Variants in HK2 observed in about 807,000 individuals in gnomAD.
The protein encoded by HK2 is hexokinase-2.
HK2 carries 42 observed loss-of-function variants against 92.9 expected under a neutral mutation model. The ratio of observed to expected loss-of-function variants is 0.45; its 90% CI spans 0.35 to 0.58. HK2 has a LOEUF of 0.58. Ranked by LOEUF, HK2 falls within the 20% of genes least tolerant of loss-of-function variation. The pLI is 0.00. For missense variants in HK2, 978 were observed against 1,245.1 expected, an observed-to-expected ratio of 0.79 and a Z score of 3.23; for synonymous variants, 422 against 468.0, an observed-to-expected ratio of 0.90 and a Z score of 1.27.
chr2:74,882,350 G>T, intron 12 of HK2, 111 bp downstream of exon 12: 1 of 1,532,138 alleles, frequency 6.5e-7, no homozygotes, highest in East Asian at 2.3e-5. Flanking sequence ...AAAGGAGGGC[G>T]TGAGTTACCA....
At chr2:74,840,556 G>A (rs564570699) in intron 1 of HK2, among the ~76,000 whole-genome samples, 4 of 152,044 alleles carry the variant, frequency 2.6e-5, no homozygotes, top group African/African-American at 9.6e-5. Flanking sequence ...TACGTAGTCT[G>A]TCTTTGCCTT....
At chr2:74,842,843 A>G (rs1458973793) in intron 1 of HK2, among the ~76,000 whole-genome samples, 3 of 152,236 alleles carry the variant, frequency 2.0e-5, no homozygotes, top group Non-Finnish European at 4.4e-5. Flanking sequence ...AGGTTGAAGC[A>G]TCCTTGCGAT....
rs575458989 is a variant in HK2, at chr2:74,891,782, C to T, written c.*841C>T. ...GAGTAGATCTGCTTCTTCATCTTGACATGTAATGAATGGTCAGTTGTACGT... is the reference window on the plus strand; with the variant it reads ...GAGTAGATCTGCTTCTTCATCTTGATATGTAATGAATGGTCAGTTGTACGT... On this transcript the variant is annotated 3_prime_UTR_variant, in exon 18 of 18. Coordinates refer to ENST00000290573, the MANE Select transcript of HK2 (RefSeq NM_000189.5). The T allele has an allele frequency of 1.2e-5, 1 of 86,386 alleles. No individual in the cohort carries two copies. Among genetic ancestry groups the T allele is most frequent in the East Asian group, 3.1e-4 (1 of 3,254 alleles). 5.4% of individuals were successfully genotyped at this position (86,386 alleles called of 1,614,324 possible).
In HK2 at chr2:74,856,179, C is replaced by T. The variant is rs1302882031; in HGVS notation, c.226+1724C>T. 3.3e-5 allele frequency among the ~76,000 whole-genome samples: 5 copies of T among 152,162 alleles called. No homozygotes were observed. In the South Asian group the frequency reaches 1.0e-3, roughly 32 times the overall value. ...AGGGGAGTAGGGGCAGGGCGTGGGT[C>T]AGGGCTTGTTAATGCCACGCGCCTG... is the stretch of plus-strand genomic sequence containing the variant. On this transcript the variant is annotated intron_variant, in intron 2 of 17. Coordinates refer to ENST00000290573, the MANE Select transcript of HK2 (RefSeq NM_000189.5).
chr2:74,878,245 C>T (rs768985579), intron 8 of HK2, among the ~76,000 whole-genome samples: 1 of 152,180 alleles, frequency 6.6e-6, no homozygotes, highest in Non-Finnish European at 1.5e-5. Context: ...GCAGGGTTCA[C>T]ATGTTGAGAG....
chr2:74,886,816 T>A, intron 15 of HK2, 143 bp downstream of exon 15: 4 of 874,992 alleles, frequency 4.6e-6, no homozygotes, highest in Non-Finnish European at 7.4e-6. Flanking sequence ...GGGTTTCTTG[T>A]CGAATGCACC....
Position 74,886,682 on chromosome 2 carries a change from C to T in HK2, c.2219+9C>T. 3.7e-6 allele frequency: 6 copies of T among 1,613,562 alleles called. No individual in the cohort carries two copies. The highest frequency in any genetic ancestry group is 5.1e-6 in the Non-Finnish European group (6 of 1,179,806). ...AACCCCGGCAAGCAGAGGTAGGCACCCAACTGGGGCCCTGTTAAGTGTATC... is the reference window on the plus strand; with the variant it reads ...AACCCCGGCAAGCAGAGGTAGGCACTCAACTGGGGCCCTGTTAAGTGTATC... On this transcript the variant is annotated intron_variant, in intron 15 of 17. Transcript: ENST00000290573.
At chr2:74,880,627 C>A (rs2103988568) in intron 10 of HK2, 58 bp downstream of exon 10, 1 of 1,534,280 alleles carries the variant, frequency 6.5e-7, no homozygotes, top group Non-Finnish European at 9.0e-7. Flanking sequence ...GGTGTTGATA[C>A]CCTGGGAGGG....
intron 1 of HK2, among the ~76,000 whole-genome samples, chr2:74,840,457 C>T (rs960674761): frequency 6.6e-6 from 1 of 151,962 alleles, no homozygotes; most frequent in Non-Finnish European, 1.5e-5. Context: ...CAGATACTTC[C>T]GGTTTAAAAG....
intron 12 of HK2, among the ~76,000 whole-genome samples, chr2:74,884,064 A>T (rs1689465457): frequency 6.6e-6 from 1 of 152,220 alleles, no homozygotes; most frequent in Non-Finnish European, 1.5e-5. Context: ...TTCCTACCAA[A>T]ATATTTTCAA....
intron 3 of HK2, 131 bp downstream of exon 3, chr2:74,867,915 C>G (rs1311700870): frequency 4.9e-6 from 5 of 1,011,374 alleles, no homozygotes; most frequent in Admixed American, 1.7e-5. Context: ...GCCAGCACAG[C>G]TGTAAGGGCT....
At chr2:74,865,929 C>T (rs972396196) in intron 2 of HK2, among the ~76,000 whole-genome samples, 8 of 152,122 alleles carry the variant, frequency 5.3e-5, no homozygotes, top group Non-Finnish European at 1.2e-4. Flanking sequence ...TTTCCCCTCA[C>T]AGCAACCCAA....
Position 74,878,998 on chromosome 2 carries a change from A to G in HK2, c.1265+77A>G, listed in dbSNP as rs112441716. The G allele has an allele frequency of 1.3e-5, 17 of 1,259,498 alleles. 1 individual carries two copies. The highest frequency in any genetic ancestry group is 1.0e-4 in the African/African-American group (7 of 67,332). The allele number at this position is 1,259,498 out of a possible 1,614,324, so 78.0% of individuals were successfully genotyped here. A position where few individuals can be genotyped will look rare whatever the true frequency, so the allele number is the denominator to read the frequency against. ...CTGAGTGACTCCTCATGCCAGCTCC[A>G]TTTTGCATTTCAGGGGTGGTGTGGA... is the stretch of plus-strand genomic sequence containing the variant. On this transcript the variant is annotated intron_variant, in intron 9 of 17. Coordinates refer to ENST00000290573, the MANE Select transcript of HK2 (RefSeq NM_000189.5).
chr2:74,861,316 G>A (rs140574879), intron 2 of HK2, among the ~76,000 whole-genome samples: 3 of 152,118 alleles, frequency 2.0e-5, no homozygotes, highest in Non-Finnish European at 4.4e-5. Context: ...AGCTACTGGG[G>A]GGCTGAGACA....
rs79897773 is a variant in HK2, at chr2:74,878,334, G to C, written c.1032-354G>C. 5.1e-4 allele frequency among the ~76,000 whole-genome samples: 77 copies of C among 152,184 alleles called. 1 individual carries two copies. The East Asian group carries it at 0.012, about 25-fold the overall frequency. On this transcript the variant is annotated intron_variant, in intron 8 of 17. Coordinates refer to ENST00000290573, the MANE Select transcript of HK2 (RefSeq NM_000189.5). ...AAACTCTCACACACACAACTTGGTGGTAAAGCACCAAGAACAGGGCCTTGT... is the reference window on the plus strand; with the variant it reads ...AAACTCTCACACACACAACTTGGTGCTAAAGCACCAAGAACAGGGCCTTGT...
chr2:74,874,356 G>T lies in HK2; in HGVS notation c.782G>T (p.Trp261Leu), dbSNP rs1290311415. The T allele has an allele frequency of 1.2e-6, 2 of 1,613,810 alleles. No individual in the cohort carries two copies. The highest frequency in any genetic ancestry group is 2.7e-5 in the African/African-American group (2 of 74,912). The change falls in exon 7 of 18, where the codon TGG (tryptophan) becomes TTG (leucine). Residue 261 changes from tryptophan to leucine, a missense_variant. Physicochemically the swap from Trp to Leu is moderately conservative, Grantham distance 61. Around this residue, in one of 3 missense-constraint regions of HK2, gnomAD observed 742 missense variants for 922.5 expected, o/e 0.80. Transcript: ENST00000290573. ...GGGCGGATGTGTATCAATATGGAGT[G>T]GGGGGCCTTCGGGGACGATGGCTCG... is the stretch of plus-strand genomic sequence containing the variant. ...DEGRMCINME[W>L]GAFGDDGSLN...
chr2:74,855,318 A>G (rs1362782693), intron 2 of HK2, among the ~76,000 whole-genome samples: 1 of 152,212 alleles, frequency 6.6e-6, no homozygotes, highest in Non-Finnish European at 1.5e-5. Flanking sequence ...TTAAAGGCTC[A>G]GAAGTCCTGC....
chr2:74,835,572 C>A (rs1688142909), intron 1 of HK2, among the ~76,000 whole-genome samples: 1 of 143,150 alleles, frequency 7.0e-6, no homozygotes, highest in Non-Finnish European at 1.5e-5. Context: ...CAGGCCAAGC[C>A]GGGAAGCTCT....
At chr2:74,873,806 G>A (rs377708180) in intron 5 of HK2, 38 bp from the exon 6 acceptor site, 42 of 1,448,278 alleles carry the variant, frequency 2.9e-5, no homozygotes, top group Non-Finnish European at 3.7e-5. Context: ...CGCCCTCTGT[G>A]ATGATGAAGG....
Sources: gnomAD v4.1 joint callset for allele counts (sites outside exome capture counted in the v4.1 genomes callset) on GRCh38, gnomAD v4.1.1 for gene constraint, gnomAD v4.1.1 regional missense constraint, MANE v1.5 for transcripts, NCBI Gene and HGNC (gene_info 2026-07-23, HGNC 2026-07-21) for gene names.